The following DLG2 variants were observed in gnomAD, a reference collection of about 807,000 sequenced individuals.
The protein encoded by DLG2 is discs large MAGUK scaffold protein 2, also known as disks large homolog 2.
A neutral mutation model predicts 132.5 loss-of-function variants in DLG2; 45 were observed. The ratio of observed to expected loss-of-function variants is 0.34; its 90% CI spans 0.27 to 0.44. The LOEUF (loss-of-function observed/expected upper bound fraction) is 0.44. Among genes scored for constraint, DLG2 ranks in the 20% least tolerant of loss-of-function variants. DLG2 has a pLI of 1.00. For missense variants in DLG2, 1,045 were observed against 1,196.9 expected, an observed-to-expected ratio of 0.87 and a Z score of 1.87; for synonymous variants, 424 against 419.6, an observed-to-expected ratio of 1.01 and a Z score of -0.13.
At chr11:83,958,867 T>C (rs1400342936) in intron 14 of DLG2, among the ~76,000 whole-genome samples, 2 of 152,096 alleles carry the variant, frequency 1.3e-5, no homozygotes, top group African/African-American at 4.8e-5. Flanking sequence ...AATCTGATTA[T>C]ACTACTTACA....
intron 7 of DLG2, among the ~76,000 whole-genome samples, chr11:84,474,097 T>C (rs989536655): frequency 1.3e-5 from 2 of 152,048 alleles, no homozygotes; most frequent in African/African-American, 4.8e-5. Context: ...TTCATACTTA[T>C]TTGTTTCTCT....
chr11:83,732,356 A>G lies in DLG2; in HGVS notation c.1825+54334T>C, dbSNP rs1488166075. On this transcript the variant is annotated intron_variant, in intron 18 of 27. Coordinates refer to ENST00000376104, the MANE Select transcript of DLG2 (RefSeq NM_001142699.3). ...ACCAGATGCCAGGTGACCTTCAACT[A>G]TTCTTAAATGTCTCTCATGTTGGGG... Among the ~76,000 whole-genome samples, 4 of 152,288 alleles carry G rather than the reference A, an allele frequency of 2.6e-5. No individual in the cohort carries two copies. In the South Asian group the frequency reaches 6.2e-4, roughly 24 times the overall value.
At chr11:84,815,617 C>T (rs964498181) in intron 6 of DLG2, among the ~76,000 whole-genome samples, 6 of 151,952 alleles carry the variant, frequency 3.9e-5, no homozygotes, top group African/African-American at 1.5e-4. Flanking sequence ...CTAGAGACAG[C>T]TAGAGATATC....
intron 10 of DLG2, among the ~76,000 whole-genome samples, chr11:84,087,717 G>C (rs1434080355): frequency 6.6e-6 from 1 of 152,150 alleles, no homozygotes; most frequent in Non-Finnish European, 1.5e-5. Flanking sequence ...GTAAAGGTTG[G>C]ATGGAGAAAA....
In DLG2 at chr11:84,741,604, G is replaced by A. The variant is rs567869575; in HGVS notation, c.358-206873C>T. Among the ~76,000 whole-genome samples the A allele has an allele frequency of 2.3e-4, 35 of 150,976 alleles. No individual in the cohort carries two copies. In the East Asian group the frequency reaches 6.1e-3, roughly 26 times the overall value. ...GAAACCACATAAAGACTAAACTATG[G>A]CACCCACCTAGAACCAAAGCTAATG... On this transcript the variant is annotated intron_variant, in intron 6 of 27. Transcript: ENST00000376104.
intron 7 of DLG2, among the ~76,000 whole-genome samples, chr11:84,420,645 G>GTTTTTTT (rs1567588759): frequency 2.9e-4 from 14 of 48,914 alleles, no homozygotes; most frequent in Admixed American, 1.3e-3. Flanking sequence ...ACCAATGCTT[G>GTTTTTTT]TTTTCTTTTT....
At chr11:85,604,304 A>T (rs2080369572) in intron 2 of DLG2, among the ~76,000 whole-genome samples, 1 of 152,218 alleles carries the variant, frequency 6.6e-6, no homozygotes, top group Admixed American at 6.5e-5. Flanking sequence ...ATTGAGAATG[A>T]TCATCACCTG....
intron 7 of DLG2, among the ~76,000 whole-genome samples, chr11:84,473,161 C>T (rs1312284741): frequency 1.3e-5 from 2 of 152,084 alleles, no homozygotes; most frequent in East Asian, 3.9e-4. Flanking sequence ...TCTTTTCTGA[C>T]TCCTGATTCA....
At chr11:84,381,113 C>A (rs570797734) in intron 7 of DLG2, among the ~76,000 whole-genome samples, 1 of 151,716 alleles carries the variant, frequency 6.6e-6, no homozygotes, top group Non-Finnish European at 1.5e-5. Context: ...CTTTTCTCTA[C>A]CAAATTTGAA....
chr11:84,938,796 G>C (rs1328884215), intron 6 of DLG2, among the ~76,000 whole-genome samples: 2 of 152,048 alleles, frequency 1.3e-5, no homozygotes, highest in Non-Finnish European at 2.9e-5. Flanking sequence ...AGAGCAATAA[G>C]GTTATTAGGG....
chr11:84,848,387 G>C (rs1022778744), intron 6 of DLG2, among the ~76,000 whole-genome samples: 2 of 152,004 alleles, frequency 1.3e-5, no homozygotes, highest in Non-Finnish European at 1.5e-5. Flanking sequence ...CCAGCTACTC[G>C]GGAGGCTGAG....
At chr11:83,981,804 A>C (rs1462862271) in intron 11 of DLG2, among the ~76,000 whole-genome samples, 2 of 152,236 alleles carry the variant, frequency 1.3e-5, no homozygotes, top group African/African-American at 2.4e-5. Context: ...AATCATTTTA[A>C]ACATGGCGAT....
intron 21 of DLG2, among the ~76,000 whole-genome samples, chr11:83,501,341 C>T (rs1028191317): frequency 5.3e-5 from 8 of 151,998 alleles, no homozygotes; most frequent in Non-Finnish European, 1.2e-4. Flanking sequence ...AGGAAAAGCT[C>T]TAGGGTCCAT....
Position 84,022,940 on chromosome 11 carries a change from T to C in DLG2, c.919+36375A>G, listed in dbSNP as rs189879721. Among the ~76,000 whole-genome samples the C allele has an allele frequency of 9.7e-4, 147 of 152,300 alleles. 1 individual carries two copies. The highest frequency in any genetic ancestry group is 3.4e-3 in the African/African-American group (141 of 41,588). The stretch of plus-strand genomic sequence containing the variant: ...AATGATGTAGTAGCAAGAGCTGTTA[T>C]TTGAAAAGGCAGCTTTTTAATCTTG... On this transcript the variant is annotated intron_variant, in intron 11 of 27. Coordinates refer to ENST00000376104, the MANE Select transcript of DLG2 (RefSeq NM_001142699.3).
At chr11:85,065,282 C>T (rs114451556) in intron 6 of DLG2, among the ~76,000 whole-genome samples, 2,163 of 151,570 alleles carry the variant, frequency 0.014, 46 homozygotes, top group African/African-American at 0.049. Flanking sequence ...ATGCATCTTC[C>T]ACATTGTCTA....
intron 18 of DLG2, among the ~76,000 whole-genome samples, chr11:83,715,148 T>C (rs546897078): frequency 6.6e-6 from 1 of 152,134 alleles, no homozygotes; most frequent in African/African-American, 2.4e-5. Flanking sequence ...TTTTAACTCC[T>C]TCCCTCTGGT....
intron 17 of DLG2, among the ~76,000 whole-genome samples, chr11:83,817,086 A>G (rs1002505012): frequency 2.0e-4 from 30 of 152,328 alleles, no homozygotes; most frequent in African/African-American, 7.2e-4. Context: ...TTTATAAGAT[A>G]TATTATATGT....
At chr11:85,194,461 C>A (rs1158071780) in intron 4 of DLG2, among the ~76,000 whole-genome samples, 3 of 151,860 alleles carry the variant, frequency 2.0e-5, no homozygotes, top group Non-Finnish European at 4.4e-5. Flanking sequence ...CAGTATTTAC[C>A]CATCTTACTG....
At position 83,986,017 on chromosome 11, in the gene DLG2, T is replaced by A. The variant is rs147789062; in HGVS notation, c.920-5375A>T. On this transcript the variant is annotated intron_variant, in intron 11 of 27. Coordinates refer to ENST00000376104, the MANE Select transcript of DLG2 (RefSeq NM_001142699.3). ...TCTCCACAACCTCACCAGTGTCTGT[T>A]GTTTTTTTGACTTTTTTTTTAAACC... Among the ~76,000 whole-genome samples, 1,203 of 152,174 alleles carry A rather than the reference T, an allele frequency of 7.9e-3. 19 individuals carry two copies. Among genetic ancestry groups the A allele is most frequent in the African/African-American group, 0.028 (1,144 of 41,542 alleles).
Sources: allele counts gnomAD v4.1 joint callset (sites outside exome capture counted in the v4.1 genomes callset), GRCh38; gene constraint gnomAD v4.1.1; transcripts MANE v1.5; gene names NCBI Gene and HGNC (gene_info 2026-07-23, HGNC 2026-07-21).